Variants in MYOZ2 observed in about 807,000 individuals in gnomAD.
MYOZ2 encodes myozenin-2.
In MYOZ2, 19 loss-of-function variants were observed where a neutral mutation model predicts 25.4. The ratio of observed to expected loss-of-function variants is 0.75; its 90% CI spans 0.52 to 1.10. The LOEUF (loss-of-function observed/expected upper bound fraction) is 1.10. Ranked by LOEUF, MYOZ2 falls within the 50% of genes least tolerant of loss-of-function variation. MYOZ2 has a pLI of 0.00. For missense variants in MYOZ2, 270 were observed against 317.9 expected (o/e 0.85, Z 1.15); for synonymous variants, 92 against 106.9 (o/e 0.86, Z 0.86).
chr4:119,147,823 T>C lies in MYOZ2; in HGVS notation c.77-3049T>C, dbSNP rs118186461. On this transcript the variant is annotated intron_variant, in intron 2 of 5. Transcript: ENST00000307128. ...AATTGTCTTAAGTATTTCTTCTACA[T>C]ACATTTACATCAGTCAGTATTATAA... Among the ~76,000 whole-genome samples the C allele has an allele frequency of 5.9e-5, 9 of 152,250 alleles. No individual in the cohort carries two copies. In the East Asian group the frequency reaches 1.5e-3, roughly 26 times the overall value.
chr4:119,168,683 A>C (rs6825022), intron 5 of MYOZ2, among the ~76,000 whole-genome samples: 2 of 150,938 alleles, frequency 1.3e-5, no homozygotes, highest in African/African-American at 4.9e-5. Flanking sequence ...AACAACAACA[A>C]AACAACAACA....
chr4:119,169,091 T>C (rs13120560), intron 5 of MYOZ2, among the ~76,000 whole-genome samples: 52,193 of 145,002 alleles, frequency 0.36, 10,329 homozygotes, highest in East Asian at 0.54. Context: ...TGGCAATCAC[T>C]CCACCAACAA....
chr4:119,170,520 C>T (rs535224253), intron 5 of MYOZ2, among the ~76,000 whole-genome samples: 23 of 151,882 alleles, frequency 1.5e-4, no homozygotes, highest in African/African-American at 2.7e-4. Flanking sequence ...GTTTTCTGTA[C>T]TTGTGTTATA....
At chr4:119,145,612 A>T (rs1027694038) in intron 2 of MYOZ2, among the ~76,000 whole-genome samples, 74 of 151,438 alleles carry the variant, frequency 4.9e-4, no homozygotes, top group African/African-American at 1.7e-3. Context: ...GAGCTCAAGC[A>T]ATACACCTGC....
chr4:119,168,908 C>A (rs751759168), intron 5 of MYOZ2, among the ~76,000 whole-genome samples: 1 of 152,146 alleles, frequency 6.6e-6, no homozygotes. Context: ...GAAATAAGTT[C>A]TACTGTGGGT....
chr4:119,163,651 G>C (rs137952582), intron 4 of MYOZ2, among the ~76,000 whole-genome samples: 10 of 152,262 alleles, frequency 6.6e-5, no homozygotes, highest in Non-Finnish European at 1.3e-4. Context: ...GAGATAAGAA[G>C]AGCTGGGCCT....
chr4:119,150,748 A>G lies in MYOZ2; in HGVS notation c.77-124A>G, dbSNP rs1278706822. 3.1e-6 allele frequency: 3 copies of G among 966,894 alleles called. No homozygotes were observed. In the Admixed American group the frequency reaches 6.9e-5, roughly 22 times the overall value. 59.9% of individuals were successfully genotyped at this position (966,894 alleles called of 1,614,324 possible). A position where few individuals can be genotyped will look rare whatever the true frequency, so the allele number is the denominator to read the frequency against. On this transcript the variant is annotated intron_variant, in intron 2 of 5. Coordinates refer to ENST00000307128, the MANE Select transcript of MYOZ2 (RefSeq NM_016599.5). ...GAGATGAAGGAACTGAGGTTTAGAG[A>G]AAATAAATGACATACTTATGATTAT...
intron 4 of MYOZ2, among the ~76,000 whole-genome samples, chr4:119,160,708 A>T (rs1331285411): frequency 6.6e-6 from 1 of 151,972 alleles, no homozygotes; most frequent in African/African-American, 2.4e-5. Flanking sequence ...TAATTTTCTC[A>T]TTTAACGGAA....
At chr4:119,158,263 T>A (rs1341170898) in intron 4 of MYOZ2, 112 bp downstream of exon 4, 3 of 1,432,314 alleles carry the variant, frequency 2.1e-6, no homozygotes, top group African/African-American at 1.4e-5. Context: ...TCTTTTCTCA[T>A]TAAGTATGTT....
intron 5 of MYOZ2, among the ~76,000 whole-genome samples, chr4:119,182,179 G>A (rs761466722): frequency 2.0e-5 from 3 of 152,178 alleles, no homozygotes; most frequent in Non-Finnish European, 4.4e-5. Context: ...GAAACAAAAT[G>A]TGACACAGTT....
Position 119,179,056 on chromosome 4 carries a change from T to A in MYOZ2, c.561-6910T>A, listed in dbSNP as rs114692974. ...CCATAGAACAGCCAGAAAGAAATAA[T>A]TTAGAAATGCAAATCAGGTCGTGTC... is the stretch of plus-strand genomic sequence containing the variant. On this transcript the variant is annotated intron_variant, in intron 5 of 5. Transcript: ENST00000307128. Among the ~76,000 whole-genome samples the A allele has an allele frequency of 5.5e-3, 832 of 152,346 alleles. 5 individuals are homozygous for A. The highest frequency in any genetic ancestry group is 9.3e-3 in the Non-Finnish European group (630 of 68,032).
intron 5 of MYOZ2, among the ~76,000 whole-genome samples, chr4:119,173,912 G>A (rs1048029169): frequency 6.6e-6 from 1 of 152,222 alleles, no homozygotes; most frequent in African/African-American, 2.4e-5. Context: ...CCGGGGCAAT[G>A]AGGGACTTAG....
At chr4:119,149,288 C>T (rs773981402) in intron 2 of MYOZ2, among the ~76,000 whole-genome samples, 11 of 152,190 alleles carry the variant, frequency 7.2e-5, no homozygotes, top group Non-Finnish European at 1.0e-4. Context: ...ACTTCCCACT[C>T]GGTCTCTCTG....
At chr4:119,174,213 T>G (rs1379891928) in intron 5 of MYOZ2, among the ~76,000 whole-genome samples, 1 of 152,358 alleles carries the variant, frequency 6.6e-6, no homozygotes, top group South Asian at 2.1e-4. Flanking sequence ...CCTGCAGCCC[T>G]GGTGCGGGAT....
chr4:119,148,755 G>T (rs1362519699), intron 2 of MYOZ2, among the ~76,000 whole-genome samples: 3 of 90,864 alleles, frequency 3.3e-5, no homozygotes, highest in Non-Finnish European at 6.6e-5. Flanking sequence ...TGCTGCTGCT[G>T]ATGGAGTCAT....
chr4:119,173,596 T>TAGTGAGAGGTGACAGCGTGCTGGC (rs2149227811), intron 5 of MYOZ2, among the ~76,000 whole-genome samples: 1 of 152,328 alleles, frequency 6.6e-6, no homozygotes, highest in Non-Finnish European at 1.5e-5. Flanking sequence ...GTATCTGTGG[T>TAGTGAGAGGTGACAGCGTGCTGGC]AGTGAGAGGT....
intron 2 of MYOZ2, among the ~76,000 whole-genome samples, chr4:119,139,367 T>C (rs1321430483): frequency 6.6e-6 from 1 of 152,188 alleles, no homozygotes; most frequent in African/African-American, 2.4e-5. Context: ...CAAGTGCTAT[T>C]GTAAAAGACA....
chr4:119,154,749 AG>A (rs1741532033), intron 3 of MYOZ2, among the ~76,000 whole-genome samples: 1 of 152,090 alleles, frequency 6.6e-6, no homozygotes, highest in African/African-American at 2.4e-5. Flanking sequence ...TACTTTTTAA[AG>A]AATTAGTATA....
intron 5 of MYOZ2, among the ~76,000 whole-genome samples, chr4:119,178,543 T>C (rs991676455): frequency 6.6e-6 from 1 of 152,204 alleles, no homozygotes; most frequent in Non-Finnish European, 1.5e-5. Context: ...ATCTACGGCT[T>C]ACCCTTAATT....
Sources: allele counts gnomAD v4.1 joint callset (sites outside exome capture counted in the v4.1 genomes callset), GRCh38; gene constraint gnomAD v4.1.1; transcripts MANE v1.5; gene names NCBI Gene and HGNC (gene_info 2026-07-23, HGNC 2026-07-21).